DAAM1: variants seen among roughly 807,000 people sequenced by gnomAD.
DAAM1 encodes the protein dishevelled associated activator of morphogenesis 1.
Under a neutral mutation model 130.0 loss-of-function variants are expected in DAAM1, and 52 were observed. The ratio of observed to expected loss-of-function variants is 0.40; its 90% CI spans 0.32 to 0.50. DAAM1 has a LOEUF of 0.50. Ranked by LOEUF, DAAM1 falls within the 20% of genes least tolerant of loss-of-function variation. The pLI, the probability that DAAM1 is intolerant of heterozygous loss-of-function variation, is 0.61. For synonymous variants in DAAM1, 452 were observed against 444.5 expected (o/e 1.02, Z -0.21); for missense variants, 1,134 against 1,303.8 (o/e 0.87, Z 2.01).
In DAAM1 at chr14:59,326,566, C is replaced by A. The variant is rs1885212811; in HGVS notation, c.1231C>A (p.Gln411Lys). The change falls in exon 11 of 25, where the codon CAG (glutamine) becomes AAG (lysine). Residue 411 changes from glutamine to lysine, a missense_variant. By Grantham distance (53) the Gln-to-Lys change is moderately conservative. Coordinates refer to ENST00000360909, the MANE Select transcript of DAAM1 (RefSeq NM_001270520.2). ...YWLLLDRIIQQIVIQNDKGQD... is the reference protein window; with the variant it reads ...YWLLLDRIIQKIVIQNDKGQD... ...GCTACTACTAGATAGAATTATACAG[C>A]AGATAGTTATCCAGAATGACAAAGG... 1 of 1,613,762 alleles carries A rather than the reference C, an allele frequency of 6.2e-7. No homozygotes were observed. The highest frequency in any genetic ancestry group is 1.1e-5 in the South Asian group (1 of 91,056).
At position 59,246,074 on chromosome 14, in the gene DAAM1, A is replaced by G. The variant is rs770793624; in HGVS notation, c.-37-17367A>G. Among the ~76,000 whole-genome samples the G allele has an allele frequency of 1.3e-4, 20 of 152,312 alleles. No homozygotes were observed. In the East Asian group the frequency reaches 3.9e-3, roughly 29 times the overall value. On this transcript the variant is annotated intron_variant, in intron 1 of 24. Transcript: ENST00000360909. ...TGAAGAGGGTTGATAAATTAAAGTT[A>G]TTTAAATTATTTTTCAAATTTACCA... is the stretch of plus-strand genomic sequence containing the variant.
chr14:59,367,256 C>G (rs1355637446), intron 23 of DAAM1, among the ~76,000 whole-genome samples, 173 bp from the exon 24 acceptor site: 1 of 152,084 alleles, frequency 6.6e-6, no homozygotes, highest in East Asian at 1.9e-4. Flanking sequence ...CCACTGCACT[C>G]CAGCCTGGGT....
chr14:59,362,064 A>T (rs946674474), intron 22 of DAAM1, among the ~76,000 whole-genome samples: 3 of 151,178 alleles, frequency 2.0e-5, no homozygotes, highest in Admixed American at 6.6e-5. Context: ...AGTATTAAAA[A>T]AAAAATTCTA....
At chr14:59,340,024 T>C in intron 15 of DAAM1, 50 bp from the exon 16 acceptor site, 1 of 1,530,282 alleles carries the variant, frequency 6.5e-7, no homozygotes, top group Non-Finnish European at 9.0e-7. Context: ...GTATCTGAAG[T>C]CTGAATGTCC....
intron 2 of DAAM1, among the ~76,000 whole-genome samples, chr14:59,269,506 T>G (rs1882613070): frequency 6.6e-6 from 1 of 152,248 alleles, no homozygotes; most frequent in Admixed American, 6.5e-5. Flanking sequence ...ATTAAATTTC[T>G]GCAGGCCCCA....
intron 22 of DAAM1, 96 bp downstream of exon 22, chr14:59,360,958 G>A: frequency 3.0e-6 from 3 of 1,013,376 alleles, no homozygotes; most frequent in Non-Finnish European, 2.9e-6. Flanking sequence ...CATGTGGTAT[G>A]CCCGGGATAA....
At chr14:59,268,323 A>C (rs896053992) in intron 2 of DAAM1, among the ~76,000 whole-genome samples, 1 of 152,236 alleles carries the variant, frequency 6.6e-6, no homozygotes, top group Non-Finnish European at 1.5e-5. Flanking sequence ...AAGTTTTTGC[A>C]TAGATATATG....
At chr14:59,363,868 T>C (rs1886811149) in intron 23 of DAAM1, 86 bp downstream of exon 23, 1 of 1,558,796 alleles carries the variant, frequency 6.4e-7, no homozygotes, top group African/African-American at 1.4e-5. Context: ...GTACGGGAAA[T>C]AGCAGGAGTG....
chr14:59,367,415 C>A lies in DAAM1; in HGVS notation c.2827-14C>A. 2 of 1,583,078 alleles carry A rather than the reference C, an allele frequency of 1.3e-6. No individual in the cohort carries two copies. Among genetic ancestry groups the A allele is most frequent in the South Asian group, 2.3e-5 (2 of 86,088 alleles). ...TCATGAAACATTGACTTCTTAAAAC[C>A]ATCTTTTTCCTAGTTTACTAAAGCA... On this transcript the variant is annotated splice_polypyrimidine_tract_variant and intron_variant, in intron 23 of 24. Coordinates refer to ENST00000360909, the MANE Select transcript of DAAM1 (RefSeq NM_001270520.2).
rs1256951165 is a variant in DAAM1, at chr14:59,370,895, T to C, written c.*2036T>C. 2 of 152,132 alleles carry C rather than the reference T, an allele frequency of 1.3e-5. No individual in the cohort carries two copies. The highest frequency in any genetic ancestry group is 2.9e-5 in the Non-Finnish European group (2 of 68,012). The allele number at this position is 152,132 out of a possible 1,614,324, so 9.4% of individuals were successfully genotyped here. ...CAGTTTTGGAACTGTATTTTGAAAATGGCTTTGTCTTACAGTTTAAGGAAT... is the reference window on the plus strand; with the variant it reads ...CAGTTTTGGAACTGTATTTTGAAAACGGCTTTGTCTTACAGTTTAAGGAAT... On this transcript the variant is annotated 3_prime_UTR_variant, in exon 25 of 25. Transcript: ENST00000360909.
At chr14:59,278,037 A>T (rs1404318597) in intron 2 of DAAM1, among the ~76,000 whole-genome samples, 1 of 152,178 alleles carries the variant, frequency 6.6e-6, no homozygotes, top group African/African-American at 2.4e-5. Flanking sequence ...ATAGTAAGGG[A>T]TTCACAACAA....
chr14:59,354,716 C>T (rs1466484054), intron 19 of DAAM1, among the ~76,000 whole-genome samples: 2 of 152,206 alleles, frequency 1.3e-5, no homozygotes, highest in African/African-American at 4.8e-5. Flanking sequence ...AGGCATCTGC[C>T]TAAGCTCTGA....
intron 1 of DAAM1, among the ~76,000 whole-genome samples, chr14:59,209,923 C>T (rs1296071907): frequency 6.6e-6 from 1 of 151,618 alleles, no homozygotes; most frequent in African/African-American, 2.4e-5. Context: ...TTGAGAGTAG[C>T]CTGGGCAACA....
At chr14:59,303,035 A>G (rs182272140) in intron 3 of DAAM1, among the ~76,000 whole-genome samples, 10 of 152,322 alleles carry the variant, frequency 6.6e-5, no homozygotes, top group African/African-American at 2.2e-4. Context: ...TTGCCAAGGT[A>G]GGAGTCCGTG....
chr14:59,269,311 C>G (rs1386217169), intron 2 of DAAM1, among the ~76,000 whole-genome samples: 1 of 152,210 alleles, frequency 6.6e-6, no homozygotes, highest in Admixed American at 6.5e-5. Flanking sequence ...GCCTCTCTTC[C>G]AGCTCCTTAC....
At chr14:59,286,676 T>C (rs1883471622) in intron 2 of DAAM1, among the ~76,000 whole-genome samples, 1 of 151,924 alleles carries the variant, frequency 6.6e-6, no homozygotes, top group Non-Finnish European at 1.5e-5. Flanking sequence ...ACAAACAAGG[T>C]GTTTAAGAAA....
At chr14:59,323,659 T>G (rs1277059741) in intron 6 of DAAM1, among the ~76,000 whole-genome samples, 1 of 152,224 alleles carries the variant, frequency 6.6e-6, no homozygotes, top group African/African-American at 2.4e-5. Flanking sequence ...GTAAGAATTT[T>G]GAAATTAGAG....
intron 20 of DAAM1, among the ~76,000 whole-genome samples, chr14:59,358,943 C>A (rs1886596862): frequency 6.6e-6 from 1 of 152,036 alleles, no homozygotes; most frequent in African/African-American, 2.4e-5. Context: ...CCCTCACTCT[C>A]CACCCCACCC....
intron 1 of DAAM1, among the ~76,000 whole-genome samples, chr14:59,194,801 C>A (rs1405568305): frequency 6.6e-6 from 1 of 152,192 alleles, no homozygotes; most frequent in Non-Finnish European, 1.5e-5. Flanking sequence ...TAAACAATTT[C>A]TATTCTTTTA....
Sources: allele counts gnomAD v4.1 joint callset (sites outside exome capture counted in the v4.1 genomes callset), GRCh38; gene constraint gnomAD v4.1.1; transcripts MANE v1.5; gene names NCBI Gene and HGNC (gene_info 2026-07-23, HGNC 2026-07-21).